The following CLCA2 variants were observed in gnomAD, a reference collection of about 807,000 sequenced individuals.
The protein encoded by CLCA2 is chloride channel accessory 2.
A neutral mutation model predicts 82.9 loss-of-function variants in CLCA2; 85 were observed. That is an observed-to-expected ratio of 1.03 (90% CI 0.86 to 1.23). The LOEUF is 1.23. Ranked by LOEUF, CLCA2 falls within the 50% of genes most tolerant of loss-of-function variation. The probability of loss-of-function intolerance (pLI) is 0.00; values close to 1 mark genes in which losing one functional copy is unlikely to be tolerated. For missense variants in CLCA2, 1,089 were observed against 1,124.8 expected (o/e 0.97, Z 0.45); for synonymous variants, 421 against 391.7 (o/e 1.07, Z -0.88).
intron 4 of CLCA2, among the ~76,000 whole-genome samples, chr1:86,431,896 T>G (rs1662504791): frequency 6.6e-6 from 1 of 152,210 alleles, no homozygotes; most frequent in African/African-American, 2.4e-5. Context: ...TGAACTTTCT[T>G]AATGAAGCAG....
intron 3 of CLCA2, among the ~76,000 whole-genome samples, chr1:86,429,396 C>G (rs557139629): frequency 3.3e-5 from 5 of 152,118 alleles, no homozygotes; most frequent in Admixed American, 6.6e-5. Flanking sequence ...GCAAGAGGCA[C>G]GTGGAGACAG....
In CLCA2 at chr1:86,453,484, TG is replaced by T. The variant is rs1445112027; in HGVS notation, c.2273del (p.Gly758AlafsTer18). On this transcript the variant is annotated frameshift_variant, in exon 13 of 14. Coordinates refer to ENST00000370565, the MANE Select transcript of CLCA2 (RefSeq NM_006536.7). LOFTEE classifies it high-confidence loss of function. ...GSFSVLGVPA[G>X]PHPDVFPPCK... Reference sequence around the variant, plus strand: ...CCTTTTCAGTGCTGGGAGTTCCAGCTGGCCCCCACCCTGATGTGTTTCCACC... The same window carrying T: ...CCTTTTCAGTGCTGGGAGTTCCAGCTGCCCCCACCCTGATGTGTTTCCACC... 6 of 1,614,058 alleles carry T rather than the reference TG, an allele frequency of 3.7e-6. No individual in the cohort carries two copies. In the Admixed American group the frequency reaches 6.7e-5, roughly 18 times the overall value.
At chr1:86,452,940 A>T (rs980142331) in intron 12 of CLCA2, among the ~76,000 whole-genome samples, 3 of 152,146 alleles carry the variant, frequency 2.0e-5, no homozygotes, top group Non-Finnish European at 4.4e-5. Flanking sequence ...TTTGGGAGAC[A>T]AAGGTGGGCG....
At chr1:86,439,189 C>A in intron 7 of CLCA2, 83 bp downstream of exon 7, 1 of 1,236,966 alleles carries the variant, frequency 8.1e-7, no homozygotes, top group Non-Finnish European at 1.2e-6. Flanking sequence ...TGATGATGGG[C>A]AGTTTGTTAC....
Position 86,455,548 on chromosome 1 carries a change from C to A in CLCA2, c.*21C>A, listed in dbSNP as rs868323575. On this transcript the variant is annotated 3_prime_UTR_variant, in exon 14 of 14. Coordinates refer to ENST00000370565, the MANE Select transcript of CLCA2 (RefSeq NM_006536.7). ...TATAAATAAATATCCAAAGTGTCTTCCTTCTTAGATATAAGACCCATGGCC... is the reference window on the plus strand; with the variant it reads ...TATAAATAAATATCCAAAGTGTCTTACTTCTTAGATATAAGACCCATGGCC... The A allele has an allele frequency of 7.0e-7, 1 of 1,428,094 alleles. No individual in the cohort carries two copies. The highest frequency in any genetic ancestry group is 9.2e-7 in the Non-Finnish European group (1 of 1,081,474). The allele number at this position is 1,428,094 out of a possible 1,614,324, so 88.5% of individuals were successfully genotyped here. A position where few individuals can be genotyped will look rare whatever the true frequency, so the allele number is the denominator to read the frequency against.
chr1:86,447,644 A>G lies in CLCA2; in HGVS notation c.1850A>G (p.His617Arg), dbSNP rs1335193314. ...GCCTTTGTGGAAAGAGACAGCCTCC[A>G]TTTTCCTCATCCTGTGATGATTTAT... ...VEAFVERDSL[H>R]FPHPVMIYAN... Residue 617 changes from histidine to arginine, a missense_variant, in exon 11 of 14, where the codon CAT (histidine) becomes CGT (arginine). By Grantham distance (29) the His-to-Arg change is conservative. Coordinates refer to ENST00000370565, the MANE Select transcript of CLCA2 (RefSeq NM_006536.7). 4 of 1,613,882 alleles carry G rather than the reference A, an allele frequency of 2.5e-6. No individual in the cohort carries two copies. In the African/African-American group the frequency reaches 5.3e-5, roughly 22 times the overall value.
intron 6 of CLCA2, among the ~76,000 whole-genome samples, chr1:86,436,795 C>A (rs141022867): frequency 0.024 from 3,698 of 152,240 alleles, 137 homozygotes; most frequent in African/African-American, 0.083. Context: ...CTCACCACAA[C>A]CTCCAACTCC....
intron 2 of CLCA2, among the ~76,000 whole-genome samples, 179 bp downstream of exon 2, chr1:86,425,655 T>A (rs984794866): frequency 2.0e-5 from 3 of 152,182 alleles, no homozygotes; most frequent in African/African-American, 7.2e-5. Flanking sequence ...GAATGCAAAT[T>A]GTGCAGTAAA....
At position 86,438,088 on chromosome 1, in the gene CLCA2, C is replaced by T. The variant is rs1006217325; in HGVS notation, c.973-788C>T. Among the ~76,000 whole-genome samples, 3 of 151,834 alleles carry T rather than the reference C, an allele frequency of 2.0e-5. No individual in the cohort carries two copies. The East Asian group carries it at 5.8e-4, about 29-fold the overall frequency. ...ACTCCCAACTAGTTAAGCCAGAAAC[C>T]TGTGTCCTAAGAAGTGTGAAATGCA... On this transcript the variant is annotated intron_variant, in intron 6 of 13. Coordinates refer to ENST00000370565, the MANE Select transcript of CLCA2 (RefSeq NM_006536.7).
intron 2 of CLCA2, among the ~76,000 whole-genome samples, chr1:86,427,543 T>G (rs959288299): frequency 1.6e-5 from 2 of 128,266 alleles, no homozygotes; most frequent in African/African-American, 6.1e-5. Flanking sequence ...TGGACACACA[T>G]ACATACACAC....
chr1:86,424,512 C>A, intron 1 of CLCA2, 79 bp downstream of exon 1: 1 of 1,259,578 alleles, frequency 7.9e-7, no homozygotes, highest in Non-Finnish European at 1.1e-6. Context: ...AACTACCCTG[C>A]CTGGTTTGTA....
intron 12 of CLCA2, among the ~76,000 whole-genome samples, chr1:86,452,962 C>T (rs769332328): frequency 6.6e-6 from 1 of 152,118 alleles, no homozygotes; most frequent in Non-Finnish European, 1.5e-5. Context: ...ATCACGAGGA[C>T]AGGAGTTCGA....
intron 6 of CLCA2, among the ~76,000 whole-genome samples, chr1:86,437,164 C>T (rs1182332740): frequency 6.6e-6 from 1 of 152,220 alleles, no homozygotes; most frequent in Non-Finnish European, 1.5e-5. Flanking sequence ...GTAACAAACT[C>T]ATGGCAAACC....
intron 5 of CLCA2, among the ~76,000 whole-genome samples, chr1:86,434,210 T>G (rs1234643840): frequency 6.6e-6 from 1 of 152,006 alleles, no homozygotes; most frequent in African/African-American, 2.4e-5. Flanking sequence ...AGAGGGAGAT[T>G]GTTTTGTTTT....
intron 3 of CLCA2, among the ~76,000 whole-genome samples, chr1:86,429,523 C>A (rs931190630): frequency 1.3e-5 from 2 of 152,032 alleles, no homozygotes; most frequent in Non-Finnish European, 2.9e-5. Flanking sequence ...ATAGACTATG[C>A]CAGGGAAAGT....
At chr1:86,436,328 C>G (rs1662608771) in intron 6 of CLCA2, among the ~76,000 whole-genome samples, 1 of 152,208 alleles carries the variant, frequency 6.6e-6, no homozygotes, top group Non-Finnish European at 1.5e-5. Flanking sequence ...CTGGCAGTTG[C>G]TACGAATCAG....
chr1:86,441,330 AAAAC>A (rs1282725114), intron 8 of CLCA2, 103 bp from the exon 9 acceptor site: 2 of 675,738 alleles, frequency 3.0e-6, no homozygotes, highest in African/African-American at 3.6e-5. Flanking sequence ...CCATTTCCCC[AAAAC>A]AAACACTCTA....
intron 5 of CLCA2, among the ~76,000 whole-genome samples, chr1:86,433,633 T>A (rs1662543980): frequency 6.6e-6 from 1 of 152,214 alleles, no homozygotes; most frequent in Admixed American, 6.5e-5. Flanking sequence ...ATAACCATAG[T>A]CATGAAATGG....
chr1:86,442,530 ATCT>A (rs1662756542), intron 9 of CLCA2, among the ~76,000 whole-genome samples: 1 of 152,146 alleles, frequency 6.6e-6, no homozygotes, highest in African/African-American at 2.4e-5. Context: ...CTACATGTAA[ATCT>A]TCTTCAACAG....
Sources: allele counts gnomAD v4.1 joint callset (sites outside exome capture counted in the v4.1 genomes callset), GRCh38; gene constraint gnomAD v4.1.1; transcripts MANE v1.5; gene names NCBI Gene and HGNC (gene_info 2026-07-23, HGNC 2026-07-21).